DLG1: variants seen among roughly 807,000 people sequenced by gnomAD.
DLG1 encodes discs large MAGUK scaffold protein 1.
DLG1 carries 42 observed loss-of-function variants against 123.4 expected under a neutral mutation model. That is an observed-to-expected ratio of 0.34 (90% CI 0.27 to 0.44). The LOEUF (loss-of-function observed/expected upper bound fraction) is 0.44. Among genes scored for constraint, DLG1 ranks in the 20% least tolerant of loss-of-function variants. The pLI is 1.00. For synonymous variants in DLG1, 317 were observed against 356.2 expected (o/e 0.89, Z 1.24); for missense variants, 942 against 1,082.6 (o/e 0.87, Z 1.82).
At chr3:197,216,352 T>C (rs750637103) in intron 4 of DLG1, among the ~76,000 whole-genome samples, 3 of 152,172 alleles carry the variant, frequency 2.0e-5, no homozygotes, top group Non-Finnish European at 4.4e-5. Flanking sequence ...GATTCAATGA[T>C]TTGCTGGCAG....
At chr3:197,145,063 A>T (rs890028931) in intron 6 of DLG1, among the ~76,000 whole-genome samples, 5 of 151,704 alleles carry the variant, frequency 3.3e-5, no homozygotes, top group African/African-American at 4.8e-5. Flanking sequence ...TCTCACACAC[A>T]CACACACACA....
At chr3:197,047,240 C>G (rs1427545917) in intron 24 of DLG1, among the ~76,000 whole-genome samples, 1 of 152,034 alleles carries the variant, frequency 6.6e-6, no homozygotes, top group Non-Finnish European at 1.5e-5. Context: ...AGAAAATACA[C>G]ACTGAAATAT....
intron 22 of DLG1, among the ~76,000 whole-genome samples, chr3:197,063,716 A>G (rs966884076): frequency 3.9e-5 from 6 of 152,176 alleles, no homozygotes; most frequent in African/African-American, 7.2e-5. Context: ...CTGTTGGGGT[A>G]TATCTTTGGA....
At chr3:197,057,830 T>C (rs1732859919) in intron 23 of DLG1, among the ~76,000 whole-genome samples, 1 of 152,172 alleles carries the variant, frequency 6.6e-6, no homozygotes, top group African/African-American at 2.4e-5. Flanking sequence ...GCCTTCTTTC[T>C]TTTCTTGATC....
At chr3:197,050,357 A>G (rs929574053) in intron 24 of DLG1, among the ~76,000 whole-genome samples, 11 of 140,020 alleles carry the variant, frequency 7.9e-5, no homozygotes, top group African/African-American at 2.7e-4. Context: ...ACAGAGCCAG[A>G]CTCCATTTCA....
chr3:197,085,778 T>C, intron 15 of DLG1, 22 bp from the exon 16 acceptor site: 1 of 1,598,978 alleles, frequency 6.3e-7, no homozygotes, highest in African/African-American at 1.4e-5. Flanking sequence ...AGAAAAAAAG[T>C]CCATAATCAC....
chr3:197,214,857 G>C (rs1372315910), intron 4 of DLG1, among the ~76,000 whole-genome samples: 1 of 152,078 alleles, frequency 6.6e-6, no homozygotes, highest in Non-Finnish European at 1.5e-5. Context: ...ATGAAAAGAT[G>C]TTCATCCTCC....
In DLG1 at chr3:197,183,674, T is replaced by C. The variant is rs1220683973; in HGVS notation, c.483+10751A>G. The C allele has an allele frequency of 5.2e-6, 8 of 1,550,510 alleles. 1 individual carries two copies. In the South Asian group the frequency reaches 7.1e-5, roughly 14 times the overall value. On this transcript the variant is annotated intron_variant, in intron 5 of 24. Transcript: ENST00000667157. ...GCCAGCGTGAAGGTTCTGGCTCAGC[T>C]TGCAGTTCATCTGACGAGCCCTTTT...
At chr3:197,241,383 A>T in intron 4 of DLG1, among the ~76,000 whole-genome samples, 1 of 152,196 alleles carries the variant, frequency 6.6e-6, no homozygotes. Context: ...CACAAGACTC[A>T]TATTACAAAA....
chr3:197,269,534 G>T (rs1325735740), intron 4 of DLG1, among the ~76,000 whole-genome samples: 7 of 152,126 alleles, frequency 4.6e-5, no homozygotes, highest in African/African-American at 9.7e-5. Context: ...CAATTGCCAA[G>T]AAAGTTACTA....
chr3:197,170,750 G>A (rs117886172), intron 5 of DLG1, among the ~76,000 whole-genome samples: 2 of 152,214 alleles, frequency 1.3e-5, no homozygotes, highest in East Asian at 1.9e-4. Context: ...GATCCCACTT[G>A]TCAATGTTTG....
In DLG1 at chr3:197,194,554, T is replaced by C; in HGVS notation, c.354A>G (p.Gln118=). The change falls in exon 5 of 25, where the codon CAA becomes CAG. Residue 118 remains glutamine (Q), a synonymous_variant. Coordinates refer to ENST00000667157, the MANE Select transcript of DLG1 (RefSeq NM_001366207.1). ...TTGTGATTTGTGGGGAAATATGCTC[T>C]TGAGGAGGTGTATCTTCATCCTGAT... ...YRYQDEDTPP[Q]EHISPQITNE... 1.2e-6 allele frequency: 2 copies of C among 1,605,010 alleles called. No homozygotes were observed. The highest frequency in any genetic ancestry group is 1.7e-6 in the Non-Finnish European group (2 of 1,176,686).
intron 18 of DLG1, chr3:197,075,901 A>G (rs1746936060): frequency 1.2e-6 from 2 of 1,602,348 alleles, no homozygotes; most frequent in African/African-American, 2.7e-5. Context: ...AGAGCAAGCA[A>G]TAAAAAGATA....
intron 5 of DLG1, among the ~76,000 whole-genome samples, chr3:197,183,203 T>C (rs77957530): frequency 1.4e-3 from 206 of 152,306 alleles, no homozygotes; most frequent in Admixed American, 2.9e-3. Flanking sequence ...GGTTATCTAA[T>C]AACATACAAA....
chr3:197,112,473 TTCA>T (rs1423767180), intron 13 of DLG1, among the ~76,000 whole-genome samples: 1 of 152,246 alleles, frequency 6.6e-6, no homozygotes, highest in Non-Finnish European at 1.5e-5. Context: ...AATTGGGTTA[TTCA>T]TCTTTTTATT....
chr3:197,052,332 G>A (rs1728425942), intron 23 of DLG1, among the ~76,000 whole-genome samples: 1 of 151,992 alleles, frequency 6.6e-6, no homozygotes, highest in Admixed American at 6.5e-5. Flanking sequence ...GCGCATGCCT[G>A]TAATCCTAGC....
chr3:197,297,373 A>C, intron 1 of DLG1, 138 bp from the exon 2 acceptor site: 19 of 1,453,482 alleles, frequency 1.3e-5, no homozygotes, highest in East Asian at 2.5e-5. Context: ...AAAGAGTCTC[A>C]AAACGCAGCA....
At chr3:197,292,886 A>G (rs181344144) in intron 3 of DLG1, among the ~76,000 whole-genome samples, 18 of 152,326 alleles carry the variant, frequency 1.2e-4, no homozygotes, top group African/African-American at 3.6e-4. Flanking sequence ...TCTCATGCAC[A>G]AGGAAAGCAG....
rs1197107116 is a variant in DLG1 at position 197,081,961 on chromosome 3, C to T, written c.1839-844G>A. ...AATTTCGACATAGCAATTATGTTAGCATATAACAGAAAAGCCTACCAAAAC... is the reference window on the plus strand; with the variant it reads ...AATTTCGACATAGCAATTATGTTAGTATATAACAGAAAAGCCTACCAAAAC... On this transcript the variant is annotated intron_variant, in intron 16 of 24. Transcript: ENST00000667157. Among the ~76,000 whole-genome samples the T allele has an allele frequency of 2.6e-5, 4 of 152,294 alleles. No individual in the cohort carries two copies. In the East Asian group the frequency reaches 7.7e-4, roughly 29 times the overall value.
Sources: gnomAD v4.1 joint callset for allele counts (sites outside exome capture counted in the v4.1 genomes callset) on GRCh38, gnomAD v4.1.1 for gene constraint, MANE v1.5 for transcripts, NCBI Gene and HGNC (gene_info 2026-07-23, HGNC 2026-07-21) for gene names.